The following ALCAM variants were observed in gnomAD, a reference collection of about 807,000 sequenced individuals.
ALCAM encodes the protein CD166 antigen.
Under a neutral mutation model 70.9 loss-of-function variants are expected in ALCAM, and 30 were observed. The observed-to-expected ratio is 0.42, with a 90% CI of 0.32 to 0.57. The LOEUF (loss-of-function observed/expected upper bound fraction) is 0.57. Among genes scored for constraint, ALCAM ranks in the 20% least tolerant of loss-of-function variants. The pLI is 0.11. For synonymous variants in ALCAM, 249 were observed against 242.5 expected (o/e 1.03, Z -0.25); for missense variants, 591 against 695.1 (o/e 0.85, Z 1.68).
intron 9 of ALCAM, among the ~76,000 whole-genome samples, chr3:105,546,400 C>T (rs962146744): frequency 6.6e-6 from 1 of 151,400 alleles, no homozygotes; most frequent in Non-Finnish European, 1.5e-5. Context: ...TGTTGTCTTA[C>T]TCTGTGAGCT....
chr3:105,437,555 T>C (rs2152580669), intron 1 of ALCAM, among the ~76,000 whole-genome samples: 1 of 152,220 alleles, frequency 6.6e-6, no homozygotes, highest in South Asian at 2.1e-4. Flanking sequence ...TTCAACTATA[T>C]TACATGAACC....
At chr3:105,567,389 A>G (rs1940767165) in intron 14 of ALCAM, among the ~76,000 whole-genome samples, 1 of 151,280 alleles carries the variant, frequency 6.6e-6, no homozygotes, top group South Asian at 2.1e-4. Flanking sequence ...AGCATATGTT[A>G]GCCTGCTCAC....
At chr3:105,529,852 T>C (rs1402384715) in intron 3 of ALCAM, among the ~76,000 whole-genome samples, 2 of 152,118 alleles carry the variant, frequency 1.3e-5, no homozygotes, top group Non-Finnish European at 2.9e-5. Flanking sequence ...AAAGTAAAGT[T>C]ATACATTTTC....
At chr3:105,404,493 A>C (rs1194309749) in intron 1 of ALCAM, among the ~76,000 whole-genome samples, 1 of 152,198 alleles carries the variant, frequency 6.6e-6, no homozygotes, top group Non-Finnish European at 1.5e-5. Context: ...TAAGCTTCAT[A>C]AATGAAGGAA....
intron 14 of ALCAM, among the ~76,000 whole-genome samples, chr3:105,556,953 A>T (rs1279954264): frequency 6.6e-6 from 1 of 152,024 alleles, no homozygotes; most frequent in African/African-American, 2.4e-5. Context: ...AATGAGGTAC[A>T]TACAATTAAC....
chr3:105,506,494 C>G (rs1939081639), intron 1 of ALCAM, among the ~76,000 whole-genome samples: 1 of 152,108 alleles, frequency 6.6e-6, no homozygotes, highest in Admixed American at 6.5e-5. Context: ...AGATTCATAA[C>G]AAAATGAGAT....
At chr3:105,507,339 C>T (rs770897471) in intron 1 of ALCAM, among the ~76,000 whole-genome samples, 2 of 152,080 alleles carry the variant, frequency 1.3e-5, no homozygotes, top group Non-Finnish European at 2.9e-5. Context: ...TTATGGGTTT[C>T]GACAAACACT....
intron 1 of ALCAM, among the ~76,000 whole-genome samples, chr3:105,379,155 T>C (rs1275096146): frequency 6.6e-6 from 1 of 152,024 alleles, no homozygotes; most frequent in African/African-American, 2.4e-5. Context: ...AAGAAGGTAA[T>C]GAATTTATAT....
At chr3:105,456,934 C>T (rs904725976) in intron 1 of ALCAM, among the ~76,000 whole-genome samples, 10 of 152,192 alleles carry the variant, frequency 6.6e-5, no homozygotes, top group South Asian at 2.1e-4. Flanking sequence ...AATTAATGTA[C>T]GTTTTTATGT....
chr3:105,505,493 G>T (rs780286046), intron 1 of ALCAM, among the ~76,000 whole-genome samples: 2 of 152,274 alleles, frequency 1.3e-5, no homozygotes, highest in East Asian at 3.9e-4. Flanking sequence ...CAGCATTGGG[G>T]ATTATAATTA....
chr3:105,403,494 C>T (rs921695143), intron 1 of ALCAM, among the ~76,000 whole-genome samples: 5 of 152,110 alleles, frequency 3.3e-5, no homozygotes, highest in Admixed American at 2.0e-4. Context: ...ACAATCATGA[C>T]GGTTTGGCTC....
intron 1 of ALCAM, among the ~76,000 whole-genome samples, chr3:105,374,402 T>C (rs1935325550): frequency 6.6e-6 from 1 of 152,156 alleles, no homozygotes; most frequent in Admixed American, 6.5e-5. Context: ...TTTTCTTTTT[T>C]TCTTAAAAAA....
rs1416953151 is a variant in ALCAM, at chr3:105,534,798, C to A, written c.683C>A (p.Ser228Tyr). Residue 228 changes from serine to tyrosine, a missense_variant, in exon 6 of 16, where the codon TCT (serine) becomes TAT (tyrosine). Around this residue, in one of 2 missense-constraint regions of ALCAM, gnomAD observed 427 missense variants for 450.4 expected, o/e 0.95. Transcript: ENST00000306107. ...TGCTCGGTGACATATTATGGACCAT[C>A]TGGCCAGAAAACAATTCATTCTGAA... ...FTCSVTYYGP[S>Y]GQKTIHSEQA... 1 of 1,613,698 alleles carries A rather than the reference C, an allele frequency of 6.2e-7. No homozygotes were observed. Among genetic ancestry groups the A allele is most frequent in the East Asian group, 2.2e-5 (1 of 44,844 alleles).
chr3:105,541,902 C>T, intron 8 of ALCAM, 137 bp downstream of exon 8: 3 of 1,117,742 alleles, frequency 2.7e-6, no homozygotes, highest in Non-Finnish European at 3.8e-6. Context: ...AGAGAGAAAG[C>T]ATCGGGATAA....
chr3:105,377,436 A>G (rs1935405908), intron 1 of ALCAM, among the ~76,000 whole-genome samples: 1 of 152,146 alleles, frequency 6.6e-6, no homozygotes, highest in Non-Finnish European at 1.5e-5. Context: ...AAGAGTACAC[A>G]TCTTTAAAAA....
chr3:105,453,410 C>G (rs1486813501), intron 1 of ALCAM, among the ~76,000 whole-genome samples: 1 of 152,114 alleles, frequency 6.6e-6, no homozygotes, highest in African/African-American at 2.4e-5. Flanking sequence ...TCTAAGGTCT[C>G]CATTCTGCTG....
At chr3:105,408,384 C>T (rs904729463) in intron 1 of ALCAM, among the ~76,000 whole-genome samples, 8 of 152,012 alleles carry the variant, frequency 5.3e-5, no homozygotes, top group African/African-American at 1.9e-4. Flanking sequence ...ATAGAAAACC[C>T]AGAAATAAAC....
chr3:105,369,795 C>T (rs1935179774), intron 1 of ALCAM, among the ~76,000 whole-genome samples: 2 of 152,034 alleles, frequency 1.3e-5, no homozygotes, highest in African/African-American at 4.8e-5. Context: ...GTAGTCGCTA[C>T]AAAGTCATTG....
intron 1 of ALCAM, among the ~76,000 whole-genome samples, chr3:105,449,567 T>C (rs1481287978): frequency 1.3e-5 from 2 of 152,246 alleles, no homozygotes; most frequent in Admixed American, 6.5e-5. Context: ...ATTAATCAGT[T>C]ACCTTTCAAT....
Sources: allele counts gnomAD v4.1 joint callset (sites outside exome capture counted in the v4.1 genomes callset), GRCh38; gene constraint gnomAD v4.1.1; regional missense constraint gnomAD v4.1.1; transcripts MANE v1.5; gene names NCBI Gene and HGNC (gene_info 2026-07-23, HGNC 2026-07-21).